CASP1: variants seen among roughly 807,000 people sequenced by gnomAD.
The protein encoded by CASP1 is caspase-1.
Under a neutral mutation model 41.2 loss-of-function variants are expected in CASP1, and 31 were observed. The ratio of observed to expected loss-of-function variants is 0.75; its 90% CI spans 0.57 to 1.02. The LOEUF (loss-of-function observed/expected upper bound fraction) is 1.02, where lower values mean the gene tolerates loss of function less well. Among genes scored for constraint, CASP1 ranks in the 50% least tolerant of loss-of-function variants. The pLI is 0.00. For synonymous variants in CASP1, 163 were observed against 166.5 expected (o/e 0.98, Z 0.16); for missense variants, 490 against 495.7 (o/e 0.99, Z 0.11).
At position 105,029,215 on chromosome 11, in the gene CASP1, T is replaced by G. The variant is rs772557662; in HGVS notation, c.915A>C (p.Leu305=). ...FKDSVGVSGN[L]SLPTTEEFED... is the part of the protein sequence containing the mutation. ...CAAACTCTTCTGTAGTTGGTAAAGA[T>G]AGGTTTCCAGAAACTCCTACTGAAT... Residue 305 remains leucine, a synonymous_variant, in exon 7 of 9, where the codon CTA becomes CTC. Transcript: ENST00000533400. 2.4e-5 allele frequency: 38 copies of G among 1,613,226 alleles called. 1 individual carries two copies. The South Asian group carries it at 4.1e-4, about 17-fold the overall frequency.
intron 1 of CASP1, 106 bp from the exon 2 acceptor site, chr11:105,034,580 C>A: frequency 6.5e-7 from 1 of 1,543,760 alleles, no homozygotes; most frequent in Non-Finnish European, 8.8e-7. Context: ...GAAATGTCCC[C>A]CTCCTCACAG....
chr11:105,026,718 ACT>A, intron 8 of CASP1, 122 bp downstream of exon 8: 1 of 657,160 alleles, frequency 1.5e-6, no homozygotes, highest in South Asian at 1.8e-5. Flanking sequence ...GAACTCCAAA[ACT>A]CTTTTGGAAA....
At chr11:105,032,612 G>A (rs189647865) in intron 3 of CASP1, among the ~76,000 whole-genome samples, 1 of 152,136 alleles carries the variant, frequency 6.6e-6, no homozygotes, top group African/African-American at 2.4e-5. Context: ...CTTGGCCATG[G>A]GTTGAATGTT....
Position 105,029,328 on chromosome 11 carries a change from A to C in CASP1, c.863-61T>G, listed in dbSNP as rs2134826005. ...ATGGCTGAGAAGATGTTTTCCTCCT[A>C]GCCTCTGTTCAATGATATTTATTAA... On this transcript the variant is annotated intron_variant, in intron 6 of 8. Coordinates refer to ENST00000533400, the MANE Select transcript of CASP1 (RefSeq NM_001257118.3). 4.8e-6 allele frequency: 7 copies of C among 1,444,142 alleles called. No individual in the cohort carries two copies. In the South Asian group the frequency reaches 8.6e-5, roughly 18 times the overall value. The allele number at this position is 1,444,142 out of a possible 1,614,324, so 89.5% of individuals were successfully genotyped here. A position where few individuals can be genotyped will look rare whatever the true frequency, so the allele number is the denominator to read the frequency against.
intron 7 of CASP1, among the ~76,000 whole-genome samples, chr11:105,028,710 T>A (rs1016023022): frequency 1.3e-5 from 2 of 152,080 alleles, no homozygotes; most frequent in South Asian, 4.1e-4. Context: ...AAAACCCACT[T>A]TAATTTAGGG....
At chr11:105,035,212 G>T, upstream of CASP1, 2 of 1,379,628 alleles carry the variant, frequency 1.4e-6, no homozygotes, top group Non-Finnish European at 2.1e-6. Flanking sequence ...TACTCACTGT[G>T]CATGCATATG....
intron 7 of CASP1, 21 bp from the exon 8 acceptor site, chr11:105,026,972 A>C (rs1309965375): frequency 7.7e-7 from 1 of 1,297,118 alleles, no homozygotes; most frequent in Non-Finnish European, 1.1e-6. Context: ...AGCACATTTC[A>C]AATCTCAAGA....
chr11:105,035,619 T>TTTTTTTTTTTTTG (rs1863978223), upstream of CASP1, among the ~76,000 whole-genome samples: 2 of 43,710 alleles, frequency 4.6e-5, no homozygotes, highest in Non-Finnish European at 9.7e-5. Flanking sequence ...TTTCTTTCTG[T>TTTTTTTTTTTTTG]TTTTTTTTTT....
Position 105,026,166 on chromosome 11 carries a change from C to G in CASP1, c.*92G>C. ...GCCTGTAAACCTAGAGTTCTTGACT[C>G]AAATGGACTTTCAGTACCCTTTCCT... On this transcript the variant is annotated 3_prime_UTR_variant, in exon 9 of 9. Coordinates refer to ENST00000533400, the MANE Select transcript of CASP1 (RefSeq NM_001257118.3). The G allele has an allele frequency of 1.3e-6, 1 of 787,744 alleles. No homozygotes were observed. The highest frequency in any genetic ancestry group is 2.1e-6 in the Non-Finnish European group (1 of 474,268). 48.8% of individuals were successfully genotyped at this position (787,744 alleles called of 1,614,324 possible). A position where few individuals can be genotyped will look rare whatever the true frequency, so the allele number is the denominator to read the frequency against.
intron 3 of CASP1, among the ~76,000 whole-genome samples, chr11:105,031,812 G>A (rs1018210685): frequency 6.6e-6 from 1 of 151,788 alleles, no homozygotes; most frequent in African/African-American, 2.4e-5. Context: ...TTCCTTCTAT[G>A]TATACATATG....
Position 105,031,167 on chromosome 11 carries a change from C to T in CASP1, c.451G>A (p.Glu151Lys), listed in dbSNP as rs760286520. 5 of 1,594,860 alleles carry T rather than the reference C, an allele frequency of 3.1e-6. No individual in the cohort carries two copies. The Admixed American group carries it at 8.4e-5, about 27-fold the overall frequency. The change falls in exon 4 of 9, where the codon GAG (glutamate) becomes AAG (lysine). Residue 151 changes from glutamate to lysine, a missense_variant and splice_region_variant. Coordinates refer to ENST00000533400, the MANE Select transcript of CASP1 (RefSeq NM_001257118.3). ...TCCTTGGGTTCTGAGCATGGCACCT[C>T]TGCCGACTTTTGTTTCCATATCCTT... is the stretch of plus-strand genomic sequence containing the variant. ...AQRIWKQKSA[E>K]IYPIMDKSSR...
At chr11:105,033,946 T>C (rs1205317901) in intron 2 of CASP1, 1 of 752,320 alleles carries the variant, frequency 1.3e-6, no homozygotes, top group East Asian at 2.6e-5. Context: ...GCTTTTCAGA[T>C]GGTTCTCAAG....
chr11:105,031,185 A>T lies in CASP1; in HGVS notation c.433T>A (p.Trp145Arg), dbSNP rs746610950. The change falls in exon 4 of 9, where the codon TGG (tryptophan) becomes AGG (arginine). Residue 145 changes from tryptophan to arginine, a missense_variant. Physicochemically the swap from Trp to Arg is moderately radical, Grantham distance 101. Transcript: ENST00000533400. ...LCSLEEAQRI[W>R]KQKSAEIYPI... ...GGCACCTCTGCCGACTTTTGTTTCC[A>T]TATCCTTTGAGCTTCTTCTAGGGAG... The T allele has an allele frequency of 6.2e-7, 1 of 1,610,904 alleles. No homozygotes were observed. The highest frequency in any genetic ancestry group is 8.5e-7 in the Non-Finnish European group (1 of 1,177,504).
At chr11:105,030,849 A>G (rs1314859096) in intron 4 of CASP1, 2 of 348,132 alleles carry the variant, frequency 5.7e-6, no homozygotes, top group Non-Finnish European at 1.0e-5. Context: ...CAGCTTCTTG[A>G]TCTCTAAAAT....
At chr11:105,032,770 G>C (rs1409600934) in intron 3 of CASP1, among the ~76,000 whole-genome samples, 4 of 152,152 alleles carry the variant, frequency 2.6e-5, no homozygotes, top group Non-Finnish European at 5.9e-5. Flanking sequence ...GGAAAGTTTA[G>C]AATAAGGTGT....
intron 2 of CASP1, 185 bp downstream of exon 2, chr11:105,034,023 G>T: frequency 1.0e-6 from 1 of 994,314 alleles, no homozygotes; most frequent in Non-Finnish European, 1.6e-6. Context: ...GAGTGCCACT[G>T]AGGATTAAGG....
In CASP1 at chr11:105,029,927, G is replaced by A. The variant is rs754346383; in HGVS notation, c.628-28C>T. On this transcript the variant is annotated intron_variant, in intron 5 of 8. Transcript: ENST00000533400. ...GAAAGACACCATATCACTGATTTTC[G>A]ACTATGTAATTAACTATCATGGTAC... 1.1e-5 allele frequency: 16 copies of A among 1,472,612 alleles called. No homozygotes were observed. The East Asian group carries it at 1.1e-4, about 10-fold the overall frequency. 91.2% of individuals were successfully genotyped at this position (1,472,612 alleles called of 1,614,324 possible).
chr11:105,033,356 T>C (rs989132547), intron 2 of CASP1, among the ~76,000 whole-genome samples: 2 of 152,180 alleles, frequency 1.3e-5, no homozygotes, highest in Non-Finnish European at 2.9e-5. Flanking sequence ...AACAGAAACA[T>C]CTGCAATGTC....
intron 2 of CASP1, among the ~76,000 whole-genome samples, chr11:105,033,612 C>T (rs1257122076): frequency 6.6e-6 from 1 of 152,094 alleles, no homozygotes; most frequent in Non-Finnish European, 1.5e-5. Context: ...CACAGCATGA[C>T]CCACAGCCTG....
Sources: gnomAD v4.1 joint callset for allele counts (sites outside exome capture counted in the v4.1 genomes callset) on GRCh38, gnomAD v4.1.1 for gene constraint, MANE v1.5 for transcripts, NCBI Gene and HGNC (gene_info 2026-07-23, HGNC 2026-07-21) for gene names.